The following GSE1 variants were observed in gnomAD, a reference collection of about 807,000 sequenced individuals.
GSE1 encodes Gse1 coiled-coil protein.
A neutral mutation model predicts 112.6 loss-of-function variants in GSE1; 32 were observed. The ratio of observed to expected loss-of-function variants is 0.28; its 90% confidence interval spans 0.21 to 0.38. The LOEUF (loss-of-function observed/expected upper bound fraction) is 0.38. Among genes scored for constraint, GSE1 ranks in the 10% least tolerant of loss-of-function variants. The pLI is 1.00. For synonymous variants in GSE1, 1,115 were observed against 735.6 expected, an observed-to-expected ratio of 1.52 and a Z score of -8.35; for missense variants, 2,348 against 1,699.2, an observed-to-expected ratio of 1.38 and a Z score of -6.71.
intron 1 of GSE1, among the ~76,000 whole-genome samples, chr16:85,238,727 CATCA>C (rs1476993331): frequency 6.6e-6 from 1 of 152,126 alleles, no homozygotes; most frequent in Non-Finnish European, 1.5e-5. Flanking sequence ...GGTGGGGGAC[CATCA>C]GTCAGGGTGG....
chr16:85,260,647 C>G (rs1423291128), intron 1 of GSE1, among the ~76,000 whole-genome samples: 1 of 152,226 alleles, frequency 6.6e-6, no homozygotes, highest in Non-Finnish European at 1.5e-5. Context: ...AACTCAGCGA[C>G]TACTCTGGTA....
intron 1 of GSE1, among the ~76,000 whole-genome samples, chr16:85,300,626 C>CCT (rs1438151790): frequency 1.3e-5 from 2 of 152,210 alleles, no homozygotes; most frequent in African/African-American, 2.4e-5. Flanking sequence ...GTGCCTCATT[C>CCT]CTCTCTCGCC....
chr16:85,362,514 G>T (rs766360285), intron 2 of GSE1, among the ~76,000 whole-genome samples: 2 of 152,180 alleles, frequency 1.3e-5, no homozygotes, highest in Middle Eastern at 3.2e-3. Flanking sequence ...CCTTCTCAAG[G>T]TTCAGGACCT....
At chr16:85,422,956 G>C (rs1348631343) in intron 2 of GSE1, among the ~76,000 whole-genome samples, 1 of 152,168 alleles carries the variant, frequency 6.6e-6, no homozygotes, top group Non-Finnish European at 1.5e-5. Flanking sequence ...ACAAACCCCA[G>C]AGCTAATATT....
At chr16:85,470,255 C>G (rs1423443851) in intron 2 of GSE1, among the ~76,000 whole-genome samples, 1 of 152,214 alleles carries the variant, frequency 6.6e-6, no homozygotes, top group African/African-American at 2.4e-5. Flanking sequence ...TGAGAGGGCA[C>G]CTGGGGCCAG....
At chr16:85,331,705 A>ATTTT (rs2046375274) in intron 1 of GSE1, among the ~76,000 whole-genome samples, 1 of 52,840 alleles carries the variant, frequency 1.9e-5, no homozygotes, top group African/African-American at 7.4e-5. Context: ...ATATATATAT[A>ATTTT]TATTTTTTTT....
At chr16:85,472,920 A>G (rs2050339567) in intron 2 of GSE1, among the ~76,000 whole-genome samples, 2 of 152,172 alleles carry the variant, frequency 1.3e-5, no homozygotes, top group African/African-American at 4.8e-5. Context: ...GGCTCCTCCA[A>G]CTGAGGCTCA....
In GSE1 at chr16:85,656,439, GCGCGAA is replaced by G; in HGVS notation, c.1092_1097del (p.Arg365_Glu366del). The G allele has an allele frequency of 6.4e-7, 1 of 1,563,732 alleles. No individual in the cohort carries two copies. The highest frequency in any genetic ancestry group is 8.7e-7 in the Non-Finnish European group (1 of 1,150,740). On this transcript the variant is annotated inframe_deletion, in exon 7 of 16. Coordinates refer to ENST00000253458, the MANE Select transcript of GSE1 (RefSeq NM_014615.5). ...ACCGCGAGCGGGAGAAGGAACGTGA[GCGCGAA>G]CGCGAGAAGGAGCGCGAGCAAGAGA...
In GSE1 at chr16:85,617,975, G is replaced by GTT. The variant is rs2048485173; in HGVS notation, c.7+4578_7+4579insTT. Reference sequence around the variant, plus strand: ...TGCTCTCTGGATGTCTGTGGGCCTTGTGTTAACCCCAGGCAGAATCCTGAA... The same window carrying GTT: ...TGCTCTCTGGATGTCTGTGGGCCTTGTTTGTTAACCCCAGGCAGAATCCTGAA... On this transcript the variant is annotated intron_variant, in intron 1 of 15. Coordinates refer to ENST00000253458, the MANE Select transcript of GSE1 (RefSeq NM_014615.5). Among the ~76,000 whole-genome samples the GTT allele has an allele frequency of 5.9e-5, 9 of 152,294 alleles. 1 individual carries two copies. The South Asian group carries it at 1.9e-3, about 32-fold the overall frequency.
At chr16:85,597,091 G>C (rs1323082577) in intron 1 of GSE1, among the ~76,000 whole-genome samples, 2 of 151,138 alleles carry the variant, frequency 1.3e-5, no homozygotes, top group Non-Finnish European at 2.9e-5. Context: ...AATCCTCCCT[G>C]CCTCAGCCTC....
intron 2 of GSE1, among the ~76,000 whole-genome samples, chr16:85,469,405 A>C (rs2050219197): frequency 6.6e-6 from 1 of 152,168 alleles, no homozygotes; most frequent in African/African-American, 2.4e-5. Flanking sequence ...GGCGCCCACC[A>C]GATGCTGGAA....
At chr16:85,324,044 G>A (rs144217327) in intron 1 of GSE1, among the ~76,000 whole-genome samples, 312 of 152,338 alleles carry the variant, frequency 2.0e-3, no homozygotes, top group African/African-American at 7.1e-3. Flanking sequence ...GAATTAAAAA[G>A]GCAGATAATA....
At chr16:85,469,879 G>GA (rs1239729899) in intron 2 of GSE1, among the ~76,000 whole-genome samples, 1 of 152,250 alleles carries the variant, frequency 6.6e-6, no homozygotes, top group East Asian at 1.9e-4. Flanking sequence ...GGCAAGGTGG[G>GA]AGGGGGAGCC....
chr16:85,512,954 A>G (rs1345447951), intron 2 of GSE1, among the ~76,000 whole-genome samples: 1 of 152,020 alleles, frequency 6.6e-6, no homozygotes, highest in Non-Finnish European at 1.5e-5. Flanking sequence ...TCTGCCCACC[A>G]CACTTTATCT....
At chr16:85,435,133 T>C (rs1464754662) in intron 2 of GSE1, among the ~76,000 whole-genome samples, 1 of 151,686 alleles carries the variant, frequency 6.6e-6, no homozygotes, top group Non-Finnish European at 1.5e-5. Context: ...CCCGATTCCC[T>C]GTCCAGGTCA....
intron 15 of GSE1, chr16:85,671,890 G>T (rs2053372154): frequency 6.2e-6 from 1 of 160,942 alleles, no homozygotes; most frequent in Non-Finnish European, 1.4e-5. Context: ...CACTCCCAAA[G>T]TTTTTACATC....
At chr16:85,422,134 C>T (rs1014708988) in intron 2 of GSE1, among the ~76,000 whole-genome samples, 10 of 152,114 alleles carry the variant, frequency 6.6e-5, no homozygotes, top group East Asian at 1.9e-4. Flanking sequence ...AGGGTGTGCC[C>T]GGGTCATCCT....
intron 1 of GSE1, among the ~76,000 whole-genome samples, chr16:85,347,496 C>T (rs559276180): frequency 6.6e-5 from 10 of 152,318 alleles, no homozygotes; most frequent in East Asian, 1.9e-4. Flanking sequence ...CAGCTGCCTC[C>T]GAGCCTGAGT....
intron 1 of GSE1, among the ~76,000 whole-genome samples, chr16:85,290,766 G>T (rs1345955388): frequency 6.6e-6 from 1 of 151,952 alleles, no homozygotes; most frequent in Admixed American, 6.6e-5. Context: ...ATTCTGAGTT[G>T]TTTCACCTTG....
Sources: gnomAD v4.1 joint callset for allele counts (sites outside exome capture counted in the v4.1 genomes callset) on GRCh38, gnomAD v4.1.1 for gene constraint, MANE v1.5 for transcripts, NCBI Gene and HGNC (gene_info 2026-07-23, HGNC 2026-07-21) for gene names.